AGBL3: variants seen among roughly 807,000 people sequenced by gnomAD.
The protein encoded by AGBL3 is cytosolic carboxypeptidase 3.
Under a neutral mutation model 94.5 loss-of-function variants are expected in AGBL3, and 68 were observed. The observed-to-expected ratio is 0.72, with a 90% CI of 0.59 to 0.88. The LOEUF is 0.88. Ranked by LOEUF, AGBL3 falls within the 40% of genes least tolerant of loss-of-function variation. The probability of loss-of-function intolerance (pLI) is 0.00; values close to 1 mark genes in which losing one functional copy is unlikely to be tolerated. For synonymous variants in AGBL3, 354 were observed against 370.7 expected (o/e 0.95, Z 0.52); for missense variants, 934 against 1,103.8 (o/e 0.85, Z 2.18).
chr7:135,072,757 C>A, intron 12 of AGBL3, among the ~76,000 whole-genome samples: 1 of 94,252 alleles, frequency 1.1e-5, no homozygotes, highest in Non-Finnish European at 2.0e-5. Flanking sequence ...CACACCGGGG[C>A]TTGTTGTGGA....
chr7:135,063,098 T>C (rs921205945), intron 12 of AGBL3, among the ~76,000 whole-genome samples: 1 of 152,172 alleles, frequency 6.6e-6, no homozygotes, highest in Admixed American at 6.5e-5. Context: ...GTAGGTTATA[T>C]GTAGCAAGGA....
At chr7:135,120,807 A>G (rs1827030638) in intron 16 of AGBL3, among the ~76,000 whole-genome samples, 1 of 152,234 alleles carries the variant, frequency 6.6e-6, no homozygotes, top group Non-Finnish European at 1.5e-5. Context: ...AATATTAGGT[A>G]AAGTAGATTT....
At chr7:135,126,399 A>C (rs1212459102) in intron 16 of AGBL3, among the ~76,000 whole-genome samples, 2 of 152,238 alleles carry the variant, frequency 1.3e-5, no homozygotes, top group Admixed American at 6.5e-5. Context: ...GGATACAAAC[A>C]AGCGGAAAAA....
intron 15 of AGBL3, among the ~76,000 whole-genome samples, chr7:135,085,904 A>G (rs1030303913): frequency 1.3e-5 from 2 of 151,984 alleles, no homozygotes; most frequent in African/African-American, 4.8e-5. Flanking sequence ...TTTGATAGGG[A>G]GTGCATTGAA....
intron 15 of AGBL3, among the ~76,000 whole-genome samples, chr7:135,107,007 G>A (rs1417141118): frequency 1.3e-5 from 2 of 152,138 alleles, no homozygotes; most frequent in East Asian, 1.9e-4. Flanking sequence ...GCATAGACAT[G>A]TTCATAGTAG....
intron 12 of AGBL3, among the ~76,000 whole-genome samples, chr7:135,067,046 C>T (rs1205281597): frequency 5.3e-5 from 8 of 152,194 alleles, no homozygotes; most frequent in African/African-American, 1.2e-4. Flanking sequence ...CCTAATACTG[C>T]GCTCTTCCAA....
At chr7:134,987,106 T>C (rs1183252955) in intron 1 of AGBL3, among the ~76,000 whole-genome samples, 1 of 152,222 alleles carries the variant, frequency 6.6e-6, no homozygotes, top group East Asian at 1.9e-4. Flanking sequence ...GAAGGTGTCA[T>C]CTATGAGACA....
At chr7:135,033,661 G>T (rs982903308) in intron 6 of AGBL3, among the ~76,000 whole-genome samples, 1 of 152,126 alleles carries the variant, frequency 6.6e-6, no homozygotes, top group Non-Finnish European at 1.5e-5. Context: ...ATCGAATGCA[G>T]TTCTTGTTCT....
intron 11 of AGBL3, among the ~76,000 whole-genome samples, chr7:135,057,429 A>AAAAAT (rs60255934): frequency 0.93 from 141,443 of 151,946 alleles, 66,608 homozygotes; most frequent in Non-Finnish European, 1. Flanking sequence ...GAAAAAAAAT[A>AAAAAT]AAAAGATGCT....
chr7:134,993,562 G>T lies in AGBL3; in HGVS notation c.194G>T (p.Trp65Leu). Residue 65 changes from tryptophan to leucine, a missense_variant, in exon 4 of 17, where the codon TGG becomes TTG. Coordinates refer to ENST00000436302, the MANE Select transcript of AGBL3 (RefSeq NM_178563.4). ...QILLEYQLGR[W>L]VPRLREPRDL... Reference sequence around the variant, plus strand: ...CTATTAGAATATCAGCTAGGGAGATGGGTGCCACGTCTTCGTGAACCAAGG... The same window carrying T: ...CTATTAGAATATCAGCTAGGGAGATTGGTGCCACGTCTTCGTGAACCAAGG... 6.4e-7 allele frequency: 1 copy of T among 1,551,808 alleles called. No homozygotes were observed.
intron 15 of AGBL3, among the ~76,000 whole-genome samples, chr7:135,104,777 G>T (rs1364687310): frequency 3.4e-5 from 5 of 145,182 alleles, no homozygotes; most frequent in Admixed American, 6.9e-5. Flanking sequence ...GGGCTGTTTG[G>T]TTTTTTTTTT....
At chr7:135,023,308 G>A (rs1814716211) in intron 5 of AGBL3, among the ~76,000 whole-genome samples, 1 of 152,060 alleles carries the variant, frequency 6.6e-6, no homozygotes, top group African/African-American at 2.4e-5. Context: ...AAACACTAAG[G>A]GTTGATAGAG....
At chr7:135,070,293 T>G (rs1819768561) in intron 12 of AGBL3, among the ~76,000 whole-genome samples, 1 of 152,084 alleles carries the variant, frequency 6.6e-6, no homozygotes, top group Admixed American at 6.5e-5. Context: ...TTCTACCAGA[T>G]GTACAAGGAG....
intron 5 of AGBL3, among the ~76,000 whole-genome samples, chr7:135,026,685 CTTAGAA>C (rs1469022541): frequency 6.6e-6 from 1 of 151,618 alleles, no homozygotes; most frequent in Non-Finnish European, 1.5e-5. Flanking sequence ...TTACTGTTTA[CTTAGAA>C]TAACTCCCCG....
At chr7:135,063,345 T>G (rs908342181) in intron 12 of AGBL3, among the ~76,000 whole-genome samples, 1 of 152,060 alleles carries the variant, frequency 6.6e-6, no homozygotes, top group Non-Finnish European at 1.5e-5. Context: ...TCCCTATTTA[T>G]TTTTGCTCTG....
At chr7:135,130,668 C>G (rs558934191) in intron 16 of AGBL3, among the ~76,000 whole-genome samples, 1 of 151,966 alleles carries the variant, frequency 6.6e-6, no homozygotes, top group Non-Finnish European at 1.5e-5. Flanking sequence ...CTTGAATTAT[C>G]TGCATTTACC....
intron 5 of AGBL3, among the ~76,000 whole-genome samples, chr7:135,026,724 A>T (rs1205677239): frequency 1.3e-5 from 2 of 151,630 alleles, no homozygotes; most frequent in Non-Finnish European, 2.9e-5. Flanking sequence ...TCTTTTTATG[A>T]AATTATATTT....
intron 5 of AGBL3, 142 bp downstream of exon 5, chr7:135,017,301 C>G (rs74695706): frequency 0.015 from 9,409 of 644,326 alleles, 85 homozygotes; most frequent in Non-Finnish European, 0.02. Flanking sequence ...ATATATTGAT[C>G]CAAGTGTTGA....
chr7:135,035,184 T>A (rs1030130700), intron 7 of AGBL3, among the ~76,000 whole-genome samples: 1 of 152,186 alleles, frequency 6.6e-6, no homozygotes, highest in Non-Finnish European at 1.5e-5. Context: ...GATGACTTGA[T>A]GAAACTAATA....
Sources: gnomAD v4.1 joint callset for allele counts (sites outside exome capture counted in the v4.1 genomes callset) on GRCh38, gnomAD v4.1.1 for gene constraint, MANE v1.5 for transcripts, NCBI Gene and HGNC (gene_info 2026-07-23, HGNC 2026-07-21) for gene names.